The following ROR2 variants were observed in gnomAD, a reference collection of about 807,000 sequenced individuals.
ROR2 encodes the protein tyrosine-protein kinase transmembrane receptor ROR2.
In ROR2, 33 loss-of-function variants were observed where a neutral mutation model predicts 74.9. That is an observed-to-expected ratio of 0.44 (90% CI 0.33 to 0.59). The LOEUF (loss-of-function observed/expected upper bound fraction) is 0.59, where lower values mean the gene tolerates loss of function less well. Ranked by LOEUF, ROR2 falls within the 20% of genes least tolerant of loss-of-function variation. The pLI, the probability that ROR2 is intolerant of heterozygous loss-of-function variation, is 0.02. For missense variants in ROR2, 1,216 were observed against 1,313.8 expected, an observed-to-expected ratio of 0.93 and a Z score of 1.15; for synonymous variants, 586 against 558.7, an observed-to-expected ratio of 1.05 and a Z score of -0.69.
At chr9:91,901,767 G>A (rs944479705) in intron 1 of ROR2, among the ~76,000 whole-genome samples, 22 of 147,926 alleles carry the variant, frequency 1.5e-4, no homozygotes, top group Non-Finnish European at 3.0e-4. Flanking sequence ...AGCGAGCCAT[G>A]ATCTCACGAA....
intron 1 of ROR2, among the ~76,000 whole-genome samples, chr9:91,777,530 GGTGT>G (rs1447892542): frequency 1.3e-5 from 2 of 151,858 alleles, no homozygotes; most frequent in African/African-American, 4.8e-5. Flanking sequence ...ATTTTTTAAT[GGTGT>G]GTGAGACATA....
intron 2 of ROR2, among the ~76,000 whole-genome samples, chr9:91,757,961 C>A (rs1244845519): frequency 2.0e-5 from 3 of 152,146 alleles, no homozygotes; most frequent in Admixed American, 2.0e-4. Flanking sequence ...ATTTTTTTCT[C>A]CATAAGGCAT....
chr9:91,914,435 T>G (rs1280682631), intron 1 of ROR2, among the ~76,000 whole-genome samples: 1 of 152,158 alleles, frequency 6.6e-6, no homozygotes, highest in Non-Finnish European at 1.5e-5. Flanking sequence ...CTCTTGACCA[T>G]AAAGGAATCT....
At chr9:91,778,256 C>T (rs934954862) in intron 1 of ROR2, among the ~76,000 whole-genome samples, 1 of 152,246 alleles carries the variant, frequency 6.6e-6, no homozygotes, top group Non-Finnish European at 1.5e-5. Context: ...ATACTGAGCA[C>T]GTGCTTCTGC....
At chr9:91,945,404 T>G (rs1228915167) in intron 1 of ROR2, among the ~76,000 whole-genome samples, 1 of 152,186 alleles carries the variant, frequency 6.6e-6, no homozygotes, top group Admixed American at 6.5e-5. Context: ...TAGGAGTATT[T>G]GGGATTTAGG....
chr9:91,792,303 CTATTT>C (rs1827011600), intron 1 of ROR2, among the ~76,000 whole-genome samples: 1 of 142,332 alleles, frequency 7.0e-6, no homozygotes, highest in African/African-American at 2.7e-5. Flanking sequence ...AAAGTTGGTT[CTATTT>C]TTTTTTTTTT....
intron 1 of ROR2, among the ~76,000 whole-genome samples, chr9:91,789,145 A>T (rs1826892200): frequency 6.6e-6 from 1 of 152,214 alleles, no homozygotes; most frequent in African/African-American, 2.4e-5. Flanking sequence ...AAAGTGATGG[A>T]CATGGTACTT....
chr9:91,948,856 C>A (rs1243918585), intron 1 of ROR2: 12 of 985,344 alleles, frequency 1.2e-5, no homozygotes, highest in South Asian at 4.7e-5. Flanking sequence ...CCTCCACCCC[C>A]GCAGGGTGCC....
intron 1 of ROR2, among the ~76,000 whole-genome samples, chr9:91,796,874 TG>T (rs1827197916): frequency 1.7e-5 from 2 of 115,696 alleles, no homozygotes; most frequent in African/African-American, 7.8e-5. Flanking sequence ...CCTGGCTCTG[TG>T]GGCGGGGCTG....
chr9:91,937,457 A>G (rs1378244793), intron 1 of ROR2, among the ~76,000 whole-genome samples: 1 of 151,926 alleles, frequency 6.6e-6, no homozygotes, highest in Non-Finnish European at 1.5e-5. Context: ...CAGACGCCCC[A>G]GGGGTCTAGA....
intron 4 of ROR2, among the ~76,000 whole-genome samples, chr9:91,743,294 G>A (rs977130866): frequency 2.0e-5 from 3 of 152,110 alleles, no homozygotes; most frequent in Non-Finnish European, 4.4e-5. Flanking sequence ...GATAAGGGCC[G>A]GGTGCAGTGG....
chr9:91,738,829 G>A (rs181672860), intron 4 of ROR2, among the ~76,000 whole-genome samples: 22 of 152,286 alleles, frequency 1.4e-4, no homozygotes, highest in Middle Eastern at 3.4e-3. Context: ...TGCTCCTCCC[G>A]GTCAGCCTGC....
In ROR2 at chr9:91,735,754, T is replaced by C. The variant is rs867852231; in HGVS notation, c.622+1637A>G. ...GCCTCAGCCTCCCAAGTAGCTGGGA[T>C]TACAGGCACCCGCCACCATGCCCAG... On this transcript the variant is annotated intron_variant, in intron 5 of 8. Coordinates refer to ENST00000375708, the MANE Select transcript of ROR2 (RefSeq NM_004560.4). Among the ~76,000 whole-genome samples, 5 of 151,622 alleles carry C rather than the reference T, an allele frequency of 3.3e-5. 1 individual carries two copies. The Middle Eastern group carries it at 0.017, about 516-fold the overall frequency.
At chr9:91,785,881 C>G (rs755347580) in intron 1 of ROR2, among the ~76,000 whole-genome samples, 1 of 152,176 alleles carries the variant, frequency 6.6e-6, no homozygotes, top group Non-Finnish European at 1.5e-5. Context: ...ACAACATCCC[C>G]TTTTACATGT....
intron 1 of ROR2, among the ~76,000 whole-genome samples, chr9:91,791,004 G>A (rs1471890023): frequency 6.6e-6 from 1 of 152,146 alleles, no homozygotes; most frequent in Non-Finnish European, 1.5e-5. Flanking sequence ...CTTAAGCTAA[G>A]GTTAATTTAT....
chr9:91,819,580 G>T (rs374838884), intron 1 of ROR2, among the ~76,000 whole-genome samples: 1 of 151,318 alleles, frequency 6.6e-6, no homozygotes, highest in Admixed American at 6.6e-5. Context: ...TATTCTGTGT[G>T]TCTCTGAGTG....
chr9:91,773,143 C>A (rs890383407), intron 2 of ROR2, among the ~76,000 whole-genome samples: 2 of 152,232 alleles, frequency 1.3e-5, no homozygotes, highest in African/African-American at 4.8e-5. Context: ...GCTCCAGAAG[C>A]CTTGGCACAG....
chr9:91,805,259 A>AAGACAC (rs1488816532), intron 1 of ROR2, among the ~76,000 whole-genome samples: 1 of 152,200 alleles, frequency 6.6e-6, no homozygotes, highest in African/African-American at 2.4e-5. Context: ...AGTTCTGTCC[A>AAGACAC]TCCACTCCAA....
intron 1 of ROR2, among the ~76,000 whole-genome samples, chr9:91,933,029 T>A (rs1269532349): frequency 6.6e-6 from 1 of 152,178 alleles, no homozygotes. Context: ...CCAAGCACAG[T>A]GGCCTATGAT....
Sources: gnomAD v4.1 joint callset for allele counts (sites outside exome capture counted in the v4.1 genomes callset) on GRCh38, gnomAD v4.1.1 for gene constraint, MANE v1.5 for transcripts, NCBI Gene and HGNC (gene_info 2026-07-23, HGNC 2026-07-21) for gene names.